VANGL1: variants seen among roughly 807,000 people sequenced by gnomAD.
VANGL1 encodes the protein vang-like protein 1.
VANGL1 carries 18 observed loss-of-function variants against 48.4 expected under a neutral mutation model. The observed-to-expected ratio is 0.37, with a 90% CI of 0.26 to 0.55. The LOEUF is 0.55. VANGL1 is among the 20% of genes least tolerant of loss of function. The pLI is 0.81. For missense variants in VANGL1, 667 were observed against 675.8 expected (o/e 0.99, Z 0.14); for synonymous variants, 257 against 261.8 (o/e 0.98, Z 0.18).
In VANGL1 at chr1:115,651,425, A is replaced by G. The variant is rs749084675; in HGVS notation, c.12A>G (p.Glu4=). The G allele has an allele frequency of 6.2e-7, 1 of 1,613,968 alleles. No homozygotes were observed. Among genetic ancestry groups the G allele is most frequent in the South Asian group, 1.1e-5 (1 of 91,074 alleles). The change falls in exon 2 of 8, where the codon GAA becomes GAG. Residue 4 remains glutamate, a synonymous_variant. Coordinates refer to ENST00000355485, the MANE Select transcript of VANGL1 (RefSeq NM_138959.3). Reference sequence around the variant, plus strand: ...AGCCCTCCATTGCTATGGATACCGAATCCACTTATTCTGGATATTCTTACT... The same window carrying G: ...AGCCCTCCATTGCTATGGATACCGAGTCCACTTATTCTGGATATTCTTACT... MDT[E]STYSGYSYYS... is the part of the protein sequence containing the mutation.
At chr1:115,645,015 C>A (rs1651864762) in intron 1 of VANGL1, among the ~76,000 whole-genome samples, 1 of 152,208 alleles carries the variant, frequency 6.6e-6, no homozygotes, top group Non-Finnish European at 1.5e-5. Flanking sequence ...ATCCTCACAT[C>A]AGTGACCTGC....
At chr1:115,680,317 C>G (rs116157636) in intron 4 of VANGL1, among the ~76,000 whole-genome samples, 152 of 152,282 alleles carry the variant, frequency 1.0e-3, no homozygotes, top group African/African-American at 3.1e-3. Flanking sequence ...CTCAGCCCCA[C>G]GTGTTCCAGC....
intron 7 of VANGL1, among the ~76,000 whole-genome samples, chr1:115,687,927 T>C (rs773149796): frequency 8.0e-6 from 1 of 124,342 alleles, no homozygotes; most frequent in Non-Finnish European, 1.7e-5. Flanking sequence ...CCTATATATA[T>C]CATTCATTAG....
chr1:115,650,167 T>C (rs530194427), intron 1 of VANGL1, among the ~76,000 whole-genome samples: 2 of 152,304 alleles, frequency 1.3e-5, no homozygotes, highest in South Asian at 4.1e-4. Flanking sequence ...CAGGGAAACT[T>C]GGCCTCCTCC....
At position 115,682,697 on chromosome 1, in the gene VANGL1, C is replaced by T. The variant is rs150901617; in HGVS notation, c.946+200C>T. 1.9e-3 allele frequency among the ~76,000 whole-genome samples: 295 copies of T among 152,244 alleles called. 1 individual carries two copies. The highest frequency in any genetic ancestry group is 6.9e-3 in the African/African-American group (285 of 41,518). The stretch of plus-strand genomic sequence containing the variant: ...ATTTACCATCTACCTGTGTTGGAAG[C>T]CTGTTCATTTTGGGATTTTATGATT... On this transcript the variant is annotated intron_variant, in intron 5 of 7. Coordinates refer to ENST00000355485, the MANE Select transcript of VANGL1 (RefSeq NM_138959.3).
In VANGL1 at chr1:115,691,454, G is replaced by A; in HGVS notation, c.*75G>A. 1 of 1,483,138 alleles carries A rather than the reference G, an allele frequency of 6.7e-7. No individual in the cohort carries two copies. The highest frequency in any genetic ancestry group is 9.0e-7 in the Non-Finnish European group (1 of 1,107,354). 91.9% of individuals were successfully genotyped at this position (1,483,138 alleles called of 1,614,324 possible). ...AGATATATATCTATGCCAGAGGGGT[G>A]TCTTTTTTAAAAATTCTTCTTCATT... On this transcript the variant is annotated 3_prime_UTR_variant, in exon 8 of 8. Transcript: ENST00000355485.
intron 2 of VANGL1, among the ~76,000 whole-genome samples, chr1:115,653,004 A>C (rs1557762881): frequency 6.6e-6 from 1 of 152,196 alleles, no homozygotes. Flanking sequence ...ACTTGAGGAA[A>C]CGTTCATGAG....
intron 2 of VANGL1, among the ~76,000 whole-genome samples, chr1:115,652,666 T>C (rs1014465334): frequency 6.6e-6 from 1 of 152,140 alleles, no homozygotes; most frequent in African/African-American, 2.4e-5. Flanking sequence ...ATAGTGATTG[T>C]AGTGGTTTTT....
intron 5 of VANGL1, 55 bp downstream of exon 5, chr1:115,682,552 A>C: frequency 6.2e-7 from 1 of 1,613,450 alleles, no homozygotes; most frequent in Non-Finnish European, 8.5e-7. Context: ...TTGGGTGACT[A>C]TTTAAGATTC....
chr1:115,683,231 C>A (rs936699265), intron 5 of VANGL1, among the ~76,000 whole-genome samples: 20 of 152,162 alleles, frequency 1.3e-4, no homozygotes, highest in Admixed American at 1.3e-4. Flanking sequence ...CACCTGTGAT[C>A]TAAAAACTTA....
At chr1:115,686,370 C>CAAAAA (rs10667490) in intron 7 of VANGL1, among the ~76,000 whole-genome samples, 14 of 104,934 alleles carry the variant, frequency 1.3e-4, no homozygotes, top group African/African-American at 3.9e-4. Flanking sequence ...AGACTCCGTC[C>CAAAAA]AAAAAAAAAA....
intron 4 of VANGL1, among the ~76,000 whole-genome samples, chr1:115,668,343 A>C (rs1652866257): frequency 6.6e-6 from 1 of 152,168 alleles, no homozygotes; most frequent in Non-Finnish European, 1.5e-5. Flanking sequence ...CTTAACACAG[A>C]GCTTAGGGCT....
intron 1 of VANGL1, among the ~76,000 whole-genome samples, chr1:115,645,414 G>C (rs1005437745): frequency 6.6e-6 from 1 of 152,126 alleles, no homozygotes. Flanking sequence ...CACGTGCTAG[G>C]CACTGTTCTA....
rs1401671254 is a variant in VANGL1, at chr1:115,695,513, G to A, written c.*4134G>A. On this transcript the variant is annotated 3_prime_UTR_variant, in exon 8 of 8. Coordinates refer to ENST00000355485, the MANE Select transcript of VANGL1 (RefSeq NM_138959.3). ...GGTATTCAGTGCAGTAGCGAAATGA[G>A]ATAGTTTAGACACTGTTGAAATAAC... 1 of 152,630 alleles carries A rather than the reference G, an allele frequency of 6.6e-6. No homozygotes were observed. Among genetic ancestry groups the A allele is most frequent in the Non-Finnish European group, 1.5e-5 (1 of 68,030 alleles). 9.5% of individuals were successfully genotyped at this position (152,630 alleles called of 1,614,324 possible). A position where few individuals can be genotyped will look rare whatever the true frequency, so the allele number is the denominator to read the frequency against.
intron 4 of VANGL1, among the ~76,000 whole-genome samples, chr1:115,668,094 G>A (rs72701665): frequency 0.031 from 4,660 of 152,310 alleles, 102 homozygotes; most frequent in Non-Finnish European, 0.048. Context: ...AAACCGAGGC[G>A]TGGGAGAGTT....
At chr1:115,662,008 C>G (rs752509904) in intron 3 of VANGL1, among the ~76,000 whole-genome samples, 1 of 152,116 alleles carries the variant, frequency 6.6e-6, no homozygotes, top group Admixed American at 6.5e-5. Context: ...TATATGAAAC[C>G]GCCAGAGTGG....
chr1:115,682,472 C>T lies in VANGL1; in HGVS notation c.921C>T (p.Ala307=), dbSNP rs148965020. Residue 307 remains alanine (A), a synonymous_variant, in exon 5 of 8, where the codon GCC becomes GCT. Coordinates refer to ENST00000355485, the MANE Select transcript of VANGL1 (RefSeq NM_138959.3). ...AATTCCGAGCAGCCAAGCATATGGC[C>T]GGGCTGAAAGTCTACAATGTAGATG... ...ASKFRAAKHM[A]GLKVYNVDGP... 60 of 1,613,990 alleles carry T rather than the reference C, an allele frequency of 3.7e-5. No homozygotes were observed. In the East Asian group the frequency reaches 6.0e-4, roughly 16 times the overall value.
At chr1:115,680,610 G>A (rs151165248) in intron 4 of VANGL1, among the ~76,000 whole-genome samples, 125 of 152,250 alleles carry the variant, frequency 8.2e-4, no homozygotes, top group African/African-American at 2.9e-3. Flanking sequence ...AACTGAATGC[G>A]GGCACTGTTG....
chr1:115,664,030 C>T lies in VANGL1; in HGVS notation c.574C>T (p.Leu192Phe). 1.2e-6 allele frequency: 2 copies of T among 1,614,166 alleles called. No individual in the cohort carries two copies. Among genetic ancestry groups the T allele is most frequent in the Non-Finnish European group, 1.7e-6 (2 of 1,180,040 alleles). Residue 192 changes from leucine to phenylalanine, a missense_variant, in exon 4 of 8, where the codon CTC becomes TTC. Coordinates refer to ENST00000355485, the MANE Select transcript of VANGL1 (RefSeq NM_138959.3). ...TGTGTTTCGTGCCCTTTTGTTGGTCCTCATCTTTCTCTTTGTGGTTTCCTA... is the reference window on the plus strand; with the variant it reads ...TGTGTTTCGTGCCCTTTTGTTGGTCTTCATCTTTCTCTTTGTGGTTTCCTA... ...VFVFRALLLV[L>F]IFLFVVSYWL... is the part of the protein sequence containing the mutation.
Sources: gnomAD v4.1 joint callset for allele counts (sites outside exome capture counted in the v4.1 genomes callset) on GRCh38, gnomAD v4.1.1 for gene constraint, MANE v1.5 for transcripts, NCBI Gene and HGNC (gene_info 2026-07-23, HGNC 2026-07-21) for gene names.